The following NSD2 variants were observed in gnomAD, a reference collection of about 807,000 sequenced individuals.
The protein encoded by NSD2 is nuclear receptor binding SET domain protein 2, also known as histone-lysine N-methyltransferase NSD2.
In NSD2, 12 loss-of-function variants were observed where a neutral mutation model predicts 139.0. That is an observed-to-expected ratio of 0.09 (90% CI 0.06 to 0.14). The LOEUF (loss-of-function observed/expected upper bound fraction) is 0.14, where lower values mean the gene tolerates loss of function less well. Among genes scored for constraint, NSD2 ranks in the 10% least tolerant of loss-of-function variants. The pLI is 1.00. For synonymous variants in NSD2, 669 were observed against 648.7 expected (o/e 1.03, Z -0.48); for missense variants, 1,155 against 1,745.0 (o/e 0.66, Z 6.02).
At chr4:1,943,979 C>T in intron 9 of NSD2, 1 of 1,065,310 alleles carries the variant, frequency 9.4e-7, no homozygotes, top group Middle Eastern at 4.2e-4. Context: ...AAGCAAAACC[C>T]TGCAAATGAC....
In NSD2 at chr4:1,975,417, C is replaced by T. The variant is rs906136653; in HGVS notation, c.3621+17C>T. 1 of 1,609,782 alleles carries T rather than the reference C, an allele frequency of 6.2e-7. No homozygotes were observed. The highest frequency in any genetic ancestry group is 8.5e-7 in the Non-Finnish European group (1 of 1,176,280). On this transcript the variant is annotated intron_variant, in intron 20 of 21. Transcript: ENST00000508803. The stretch of plus-strand genomic sequence containing the variant: ...AGACCAAAGGTAAGGCTGTGGCGCC[C>T]TCCTTCCCCCCAGGCTCTGTGTTGG...
intron 9 of NSD2, chr4:1,940,558 A>G: frequency 2.8e-6 from 3 of 1,064,416 alleles, no homozygotes; most frequent in Non-Finnish European, 2.3e-6. Flanking sequence ...GATTACCTTC[A>G]TAGAGCTTTG....
intron 1 of NSD2, among the ~76,000 whole-genome samples, chr4:1,890,522 C>T (rs1411935867): frequency 1.3e-4 from 19 of 151,858 alleles, no homozygotes; most frequent in African/African-American, 4.4e-4. Flanking sequence ...AGGATGGTCT[C>T]GATCTCCTGA....
intron 17 of NSD2, 34 bp from the exon 18 acceptor site, chr4:1,961,001 C>T: frequency 6.3e-7 from 1 of 1,588,672 alleles, no homozygotes; most frequent in Non-Finnish European, 8.6e-7. Context: ...GGTCAGCACG[C>T]TTTTTGTCAT....
chr4:1,946,428 T>A, intron 9 of NSD2: 1 of 486,422 alleles, frequency 2.1e-6, no homozygotes, highest in Non-Finnish European at 2.7e-6. Flanking sequence ...CCACCACACC[T>A]GGCTATTTTT....
At chr4:1,938,396 C>CTTTTTT (rs1191163534) in intron 7 of NSD2, 55 bp from the exon 8 acceptor site, 25 of 992,176 alleles carry the variant, frequency 2.5e-5, no homozygotes, top group South Asian at 8.6e-5. Flanking sequence ...TCCTTTTTTT[C>CTTTTTT]TTTTCTTTTT....
intron 6 of NSD2, among the ~76,000 whole-genome samples, chr4:1,931,538 C>A (rs1721633561): frequency 6.6e-6 from 1 of 151,968 alleles, no homozygotes; most frequent in African/African-American, 2.4e-5. Flanking sequence ...AAAAAAAGTA[C>A]TGTATATCTG....
intron 1 of NSD2, among the ~76,000 whole-genome samples, chr4:1,888,871 ATT>A (rs1715320260): frequency 7.1e-6 from 1 of 140,658 alleles, no homozygotes; most frequent in Non-Finnish European, 1.5e-5. Flanking sequence ...TGGCTGCTTT[ATT>A]ATTTTTGAGC....
At chr4:1,879,214 A>G (rs1199523744) in intron 1 of NSD2, among the ~76,000 whole-genome samples, 1 of 151,640 alleles carries the variant, frequency 6.6e-6, no homozygotes, top group East Asian at 2.0e-4. Context: ...AAATTATTTT[A>G]TTTTATTTTA....
rs1027780783 is a variant in NSD2 at position 1,974,053 on chromosome 4, C to T, written c.3373-810C>T. Among the ~76,000 whole-genome samples the T allele has an allele frequency of 1.3e-5, 2 of 152,122 alleles. No homozygotes were observed. Among genetic ancestry groups the T allele is most frequent in the East Asian group, 1.9e-4 (1 of 5,174 alleles). ...GTTGCTGCCTCGAAAGCCTTCCTGC[C>T]GGCCCTGCAGCCACCCCTCATCTCA... On this transcript the variant is annotated intron_variant, in intron 18 of 21. Coordinates refer to ENST00000508803, the MANE Select transcript of NSD2 (RefSeq NM_001042424.3). The surrounding 1 kb of genome is among the most constrained non-coding windows in gnomAD (Gnocchi z 4.0).
Position 1,916,859 on chromosome 4 carries a change from T to C in NSD2, c.761-12T>C. 6.3e-7 allele frequency: 1 copy of C among 1,586,606 alleles called. No homozygotes were observed. The highest frequency in any genetic ancestry group is 8.6e-7 in the Non-Finnish European group (1 of 1,169,090). On this transcript the variant is annotated splice_polypyrimidine_tract_variant and intron_variant, in intron 3 of 21. Coordinates refer to ENST00000508803, the MANE Select transcript of NSD2 (RefSeq NM_001042424.3). The stretch of plus-strand genomic sequence containing the variant: ...TAACTTTCATTCTCTAACATTTTAT[T>C]TTAAAAACTAGGTCAGAAAAAGAGT...
At chr4:1,887,611 G>C (rs1715214637) in intron 1 of NSD2, 1 of 152,438 alleles carries the variant, frequency 6.6e-6, no homozygotes, top group African/African-American at 2.4e-5. Flanking sequence ...AAAGTGCTGG[G>C]ATTACAGGTG....
intron 2 of NSD2, 150 bp downstream of exon 2, chr4:1,901,401 G>T: frequency 1.4e-6 from 1 of 712,808 alleles, no homozygotes. Flanking sequence ...CTGGCTTTGG[G>T]TTGGAGGGTG....
intron 5 of NSD2, among the ~76,000 whole-genome samples, chr4:1,921,410 G>C (rs1272566205): frequency 6.6e-6 from 1 of 151,824 alleles, no homozygotes; most frequent in African/African-American, 2.4e-5. Flanking sequence ...AGTGAGCCAA[G>C]ATCGTGCCAC....
chr4:1,895,403 A>C (rs1460841383), intron 1 of NSD2, among the ~76,000 whole-genome samples: 1 of 152,150 alleles, frequency 6.6e-6, no homozygotes, highest in Non-Finnish European at 1.5e-5. Context: ...GTTATGTCTT[A>C]ATTTATCTTA....
intron 3 of NSD2, among the ~76,000 whole-genome samples, chr4:1,915,288 G>A (rs1719234314): frequency 6.6e-6 from 1 of 151,470 alleles, no homozygotes; most frequent in Non-Finnish European, 1.5e-5. Flanking sequence ...GCTAATTTTT[G>A]TATATTTAGT....
chr4:1,886,329 C>A (rs1715106628), intron 1 of NSD2, among the ~76,000 whole-genome samples: 2 of 152,274 alleles, frequency 1.3e-5, no homozygotes, highest in South Asian at 4.1e-4. Context: ...GCCTCAGTCT[C>A]CTGAATAGCT....
chr4:1,916,777 C>A, intron 3 of NSD2, 94 bp from the exon 4 acceptor site: 1 of 1,290,648 alleles, frequency 7.7e-7, no homozygotes, highest in Non-Finnish European at 1.1e-6. Flanking sequence ...GCTCAGACAA[C>A]ACCAAGGGAA....
chr4:1,910,610 C>G (rs1718540118), intron 3 of NSD2, among the ~76,000 whole-genome samples: 1 of 152,076 alleles, frequency 6.6e-6, no homozygotes, highest in Non-Finnish European at 1.5e-5. Context: ...AATTAACCCT[C>G]CTTGCTTTAT....
Sources: gnomAD v4.1 joint callset for allele counts (sites outside exome capture counted in the v4.1 genomes callset) on GRCh38, gnomAD v4.1.1 for gene constraint, Gnocchi (gnomAD v3.1) non-coding constraint, MANE v1.5 for transcripts, NCBI Gene and HGNC (gene_info 2026-07-23, HGNC 2026-07-21) for gene names.